Variants in LHFPL6 observed in about 807,000 individuals in gnomAD.
LHFPL6 encodes LHFPL tetraspan subfamily member 6 protein.
Under a neutral mutation model 20.6 loss-of-function variants are expected in LHFPL6, and 9 were observed. That is an observed-to-expected ratio of 0.44 (90% CI 0.26 to 0.76). The LOEUF (loss-of-function observed/expected upper bound fraction) is 0.76. Among genes scored for constraint, LHFPL6 ranks in the 30% least tolerant of loss-of-function variants. LHFPL6 has a pLI of 0.20. For synonymous variants in LHFPL6, 105 were observed against 98.7 expected, an observed-to-expected ratio of 1.06 and a Z score of -0.38; for missense variants, 218 against 253.5, an observed-to-expected ratio of 0.86 and a Z score of 0.95.
At chr13:39,488,539 C>T (rs1178746803) in intron 2 of LHFPL6, among the ~76,000 whole-genome samples, 1 of 152,142 alleles carries the variant, frequency 6.6e-6, no homozygotes, top group African/African-American at 2.4e-5. Flanking sequence ...TCTCTCCTAT[C>T]AAAAATGCAA....
At chr13:39,423,934 GTAAAACCAATTGAGAAACTGCAA>G in intron 2 of LHFPL6, among the ~76,000 whole-genome samples, 1 of 152,174 alleles carries the variant, frequency 6.6e-6, no homozygotes, top group East Asian at 1.9e-4. Flanking sequence ...ATTCGACCCA[GTAAAACCAATTGAGAAACTGCAA>G]CAGTACAGCA....
At chr13:39,491,740 T>G (rs1357736634) in intron 2 of LHFPL6, among the ~76,000 whole-genome samples, 1 of 152,200 alleles carries the variant, frequency 6.6e-6, no homozygotes, top group Non-Finnish European at 1.5e-5. Context: ...ACCAGCCACA[T>G]GCAGCTACTA....
chr13:39,452,489 T>G (rs951623293), intron 2 of LHFPL6, among the ~76,000 whole-genome samples: 1 of 152,196 alleles, frequency 6.6e-6, no homozygotes, highest in African/African-American at 2.4e-5. Flanking sequence ...CACAATTGCC[T>G]ATGTTACGAT....
At chr13:39,565,865 G>A (rs1871697711) in intron 2 of LHFPL6, among the ~76,000 whole-genome samples, 1 of 152,234 alleles carries the variant, frequency 6.6e-6, no homozygotes, top group African/African-American at 2.4e-5. Flanking sequence ...TGTACGTGGG[G>A]ATTCCAGGAC....
At chr13:39,587,085 T>A (rs1872471592) in intron 2 of LHFPL6, among the ~76,000 whole-genome samples, 1 of 151,458 alleles carries the variant, frequency 6.6e-6, no homozygotes, top group Non-Finnish European at 1.5e-5. Flanking sequence ...TTAACCCAGG[T>A]GGCAGAGGTT....
chr13:39,393,175 G>C (rs1870755951), intron 2 of LHFPL6, among the ~76,000 whole-genome samples: 1 of 152,130 alleles, frequency 6.6e-6, no homozygotes, highest in Non-Finnish European at 1.5e-5. Flanking sequence ...AGGACAATAA[G>C]GAATGACTGT....
intron 2 of LHFPL6, among the ~76,000 whole-genome samples, chr13:39,384,156 T>G (rs963922594): frequency 2.0e-5 from 3 of 152,234 alleles, no homozygotes; most frequent in African/African-American, 7.2e-5. Flanking sequence ...CCCCACCGTA[T>G]TTCTTGAACA....
At chr13:39,470,016 T>C (rs1464260841) in intron 2 of LHFPL6, among the ~76,000 whole-genome samples, 2 of 152,142 alleles carry the variant, frequency 1.3e-5, no homozygotes, top group Non-Finnish European at 2.9e-5. Flanking sequence ...ATCAGGAAAG[T>C]ACTGCAAGAA....
chr13:39,445,878 T>C (rs958917253), intron 2 of LHFPL6, among the ~76,000 whole-genome samples: 5 of 151,856 alleles, frequency 3.3e-5, no homozygotes, highest in Non-Finnish European at 7.4e-5. Context: ...GAGCTTTAAA[T>C]TTAGGCTTTT....
At chr13:39,495,847 C>A (rs1223622067) in intron 2 of LHFPL6, among the ~76,000 whole-genome samples, 3 of 142,976 alleles carry the variant, frequency 2.1e-5, no homozygotes, top group African/African-American at 7.9e-5. Flanking sequence ...AGGGTTGGGA[C>A]CAGCAGTGTT....
chr13:39,512,012 C>T (rs940154068), intron 2 of LHFPL6, among the ~76,000 whole-genome samples: 1 of 152,130 alleles, frequency 6.6e-6, no homozygotes, highest in Non-Finnish European at 1.5e-5. Flanking sequence ...ATCCATGAGA[C>T]GACCTATTAA....
intron 2 of LHFPL6, among the ~76,000 whole-genome samples, chr13:39,500,454 T>A (rs1869254410): frequency 6.6e-6 from 1 of 152,168 alleles, no homozygotes; most frequent in Non-Finnish European, 1.5e-5. Flanking sequence ...GGTCTCTCTA[T>A]GTGGCCCAGA....
At chr13:39,378,723 C>A (rs1240546888) in intron 2 of LHFPL6, among the ~76,000 whole-genome samples, 197 bp from the exon 3 acceptor site, 1 of 152,106 alleles carries the variant, frequency 6.6e-6, no homozygotes, top group African/African-American at 2.4e-5. Flanking sequence ...GAAAAAAAAA[C>A]TTGACAGCTC....
At chr13:39,562,561 C>CAT (rs71808944) in intron 2 of LHFPL6, among the ~76,000 whole-genome samples, 5 of 76,090 alleles carry the variant, frequency 6.6e-5, no homozygotes, top group Non-Finnish European at 1.4e-4. Flanking sequence ...TATACACATA[C>CAT]ATATACACAT....
chr13:39,569,363 A>G (rs1290741889), intron 2 of LHFPL6, among the ~76,000 whole-genome samples: 2 of 152,222 alleles, frequency 1.3e-5, no homozygotes, highest in Non-Finnish European at 2.9e-5. Flanking sequence ...GGACTTCAGC[A>G]AGCATAAATA....
intron 2 of LHFPL6, among the ~76,000 whole-genome samples, chr13:39,487,987 G>A (rs1163431028): frequency 6.6e-6 from 1 of 152,198 alleles, no homozygotes; most frequent in African/African-American, 2.4e-5. Flanking sequence ...CCAGTGCTAT[G>A]GTCTGAATGT....
At chr13:39,481,799 G>A (rs1868536673) in intron 2 of LHFPL6, among the ~76,000 whole-genome samples, 1 of 152,172 alleles carries the variant, frequency 6.6e-6, no homozygotes, top group Non-Finnish European at 1.5e-5. Flanking sequence ...TTCATTGCAA[G>A]ATTTTCAACA....
intron 2 of LHFPL6, among the ~76,000 whole-genome samples, chr13:39,486,473 C>A (rs566040417): frequency 2.6e-5 from 4 of 152,174 alleles, no homozygotes; most frequent in Non-Finnish European, 5.9e-5. Flanking sequence ...ACACACCTAT[C>A]CCAGGGAGCC....
chr13:39,559,318 T>C (rs1253146546), intron 2 of LHFPL6, among the ~76,000 whole-genome samples: 3 of 152,196 alleles, frequency 2.0e-5, no homozygotes. Flanking sequence ...GGATGGGAGT[T>C]GATCAGAGGA....
Sources: allele counts gnomAD v4.1 joint callset (sites outside exome capture counted in the v4.1 genomes callset), GRCh38; gene constraint gnomAD v4.1.1; transcripts MANE v1.5; gene names NCBI Gene and HGNC (gene_info 2026-07-23, HGNC 2026-07-21).